The following PLA1A variants were observed in gnomAD, a reference collection of about 807,000 sequenced individuals.
PLA1A encodes the protein phospholipase A1 member A.
Under a neutral mutation model 49.4 loss-of-function variants are expected in PLA1A, and 47 were observed. The ratio of observed to expected loss-of-function variants is 0.95; its 90% CI spans 0.75 to 1.21. The LOEUF (loss-of-function observed/expected upper bound fraction) is 1.21. PLA1A is among the 50% of genes most tolerant of loss of function. The pLI is 0.00. For missense variants in PLA1A, 561 were observed against 563.9 expected, an observed-to-expected ratio of 0.99 and a Z score of 0.05; for synonymous variants, 224 against 207.9, an observed-to-expected ratio of 1.08 and a Z score of -0.67.
chr3:119,628,202 C>A lies in PLA1A; in HGVS notation c.1122-499C>A, dbSNP rs140728772. 2.6e-5 allele frequency among the ~76,000 whole-genome samples: 4 copies of A among 152,364 alleles called. No individual in the cohort carries two copies. The East Asian group carries it at 7.7e-4, about 29-fold the overall frequency. ...CCAGCTTAGGTAACTTGTCCAAAGC[C>A]ATACAGCTGGGAAGACAAACCTGGG... On this transcript the variant is annotated intron_variant, in intron 9 of 10. Transcript: ENST00000273371.
chr3:119,609,731 T>G (rs1171156221), intron 4 of PLA1A, among the ~76,000 whole-genome samples, 155 bp downstream of exon 4: 2 of 152,252 alleles, frequency 1.3e-5, no homozygotes, highest in African/African-American at 2.4e-5. Context: ...GTGGTTCTTT[T>G]GCATAAAATG....
Position 119,608,874 on chromosome 3 carries a change from G to C in PLA1A, c.380G>C (p.Gly127Ala). 1 of 1,613,922 alleles carries C rather than the reference G, an allele frequency of 6.2e-7. No individual in the cohort carries two copies. The highest frequency in any genetic ancestry group is 8.5e-7 in the Non-Finnish European group (1 of 1,179,794). Residue 127 changes from glycine to alanine, a missense_variant, in exon 3 of 11, where the codon GGA becomes GCA. Transcript: ENST00000273371. ...GTGGACTGGATTTATGGGTCTACAG[G>C]AGTCTACTTCTCAGCTGTGAAAAAT... ...IAVDWIYGSTGVYFSAVKNVI... is the reference protein window; with the variant it reads ...IAVDWIYGSTAVYFSAVKNVI...
At position 119,613,065 on chromosome 3, in the gene PLA1A, G is replaced by T. The variant is rs774809265; in HGVS notation, c.611G>T (p.Arg204Leu). 1 of 1,608,972 alleles carries T rather than the reference G, an allele frequency of 6.2e-7. No homozygotes were observed. Among genetic ancestry groups the T allele is most frequent in the African/African-American group, 1.3e-5 (1 of 75,006 alleles). The change falls in exon 5 of 11, where the codon CGC becomes CTC. Residue 204 changes from arginine to leucine, a missense_variant. Coordinates refer to ENST00000273371, the MANE Select transcript of PLA1A (RefSeq NM_015900.4). ...TACACCAGGGCCAGTGTGGAAGAGC[G>T]CTTGGATGCTGGAGATGCCCTCTTC... ...PEYTRASVEE[R>L]LDAGDALFVE... is the part of the protein sequence containing the mutation.
At chr3:119,600,528 C>G in intron 1 of PLA1A, 1 of 641,424 alleles carries the variant, frequency 1.6e-6, no homozygotes, top group South Asian at 1.8e-5. Context: ...TCCCAAAGGG[C>G]AGTTATGGCT....
At chr3:119,617,911 C>T (rs957264185) in intron 6 of PLA1A, 108 bp from the exon 7 acceptor site, 4 of 761,858 alleles carry the variant, frequency 5.3e-6, no homozygotes, top group Non-Finnish European at 8.6e-6. Context: ...GACTCCCATG[C>T]ATGTATTTAC....
intron 1 of PLA1A, chr3:119,600,536 G>A (rs564186319): frequency 3.2e-6 from 2 of 626,624 alleles, no homozygotes; most frequent in African/African-American, 3.7e-5. Context: ...GGCAGTTATG[G>A]CTGGCGTCTT....
intron 1 of PLA1A, among the ~76,000 whole-genome samples, chr3:119,603,637 C>T (rs2082646441): frequency 6.6e-6 from 1 of 152,268 alleles, no homozygotes; most frequent in South Asian, 2.1e-4. Context: ...ACATTTTTCC[C>T]TATTAAAAGG....
chr3:119,601,704 G>A (rs1266098167), intron 1 of PLA1A, among the ~76,000 whole-genome samples: 1 of 152,162 alleles, frequency 6.6e-6, no homozygotes, highest in Non-Finnish European at 1.5e-5. Context: ...TTGTTTCAGT[G>A]GTTAGGACTA....
At chr3:119,599,641 G>A (rs532676019) in intron 1 of PLA1A, among the ~76,000 whole-genome samples, 9 of 152,158 alleles carry the variant, frequency 5.9e-5, no homozygotes, top group Non-Finnish European at 1.2e-4. Context: ...TAGGGTCAGC[G>A]CAGAAGCTGA....
chr3:119,624,216 T>G (rs752547682), intron 8 of PLA1A, among the ~76,000 whole-genome samples: 15 of 152,206 alleles, frequency 9.9e-5, no homozygotes, highest in Non-Finnish European at 2.2e-4. Flanking sequence ...GGTGCTTTGC[T>G]GTTGCATTCT....
intron 8 of PLA1A, among the ~76,000 whole-genome samples, chr3:119,620,828 C>A (rs2082919215): frequency 6.6e-6 from 1 of 152,186 alleles, no homozygotes; most frequent in East Asian, 1.9e-4. Flanking sequence ...GCTCTTTCAA[C>A]AACCCAACTG....
chr3:119,617,221 T>C (rs929218801), intron 6 of PLA1A, among the ~76,000 whole-genome samples: 1 of 152,184 alleles, frequency 6.6e-6, no homozygotes, highest in African/African-American at 2.4e-5. Flanking sequence ...ATATCAGTCA[T>C]TTGGCCCGGT....
intron 4 of PLA1A, among the ~76,000 whole-genome samples, chr3:119,609,975 T>C (rs113582741): frequency 0.017 from 2,662 of 152,300 alleles, 75 homozygotes; most frequent in African/African-American, 0.059. Flanking sequence ...TGTCCCTTGC[T>C]TTTCCTCCCC....
chr3:119,616,973 G>C (rs1209770378), intron 6 of PLA1A, among the ~76,000 whole-genome samples: 1 of 152,196 alleles, frequency 6.6e-6, no homozygotes, highest in East Asian at 1.9e-4. Flanking sequence ...GCCATACAGA[G>C]TGTCCCAACC....
chr3:119,620,295 A>G (rs749663093), intron 8 of PLA1A: 16 of 392,928 alleles, frequency 4.1e-5, no homozygotes, highest in Non-Finnish European at 8.1e-5. Flanking sequence ...TGTTTGCTTT[A>G]TCATGTGTAC....
intron 8 of PLA1A, among the ~76,000 whole-genome samples, chr3:119,623,818 G>A (rs769260818): frequency 4.1e-5 from 6 of 146,156 alleles, no homozygotes; most frequent in East Asian, 2.0e-4. Context: ...TCTGCCTCCC[G>A]GGTTCAAATG....
chr3:119,615,982 G>A (rs775421903), intron 5 of PLA1A, 30 bp from the exon 6 acceptor site: 2 of 1,451,052 alleles, frequency 1.4e-6, no homozygotes, highest in South Asian at 2.3e-5. Context: ...CCTGAAGTAA[G>A]GAAGTTAATG....
At chr3:119,615,686 C>T (rs745424993) in intron 5 of PLA1A, among the ~76,000 whole-genome samples, 7 of 152,148 alleles carry the variant, frequency 4.6e-5, no homozygotes, top group South Asian at 2.1e-4. Context: ...TGGTGGCATC[C>T]GCCTGTAATC....
At chr3:119,622,850 A>G (rs371928479) in intron 8 of PLA1A, among the ~76,000 whole-genome samples, 98 of 152,250 alleles carry the variant, frequency 6.4e-4, no homozygotes, top group African/African-American at 2.3e-3. Context: ...ATTTAGAGAC[A>G]GAGTCTCGCT....
Sources: allele counts gnomAD v4.1 joint callset (sites outside exome capture counted in the v4.1 genomes callset), GRCh38; gene constraint gnomAD v4.1.1; transcripts MANE v1.5; gene names NCBI Gene and HGNC (gene_info 2026-07-23, HGNC 2026-07-21).